Variants in EPHB1 observed in about 807,000 individuals in gnomAD.
The protein encoded by EPHB1 is EPH receptor B1, also known as ephrin type-B receptor 1.
In EPHB1, 30 loss-of-function variants were observed where a neutral mutation model predicts 94.4. That is an observed-to-expected ratio of 0.32 (90% CI 0.24 to 0.43). The LOEUF is 0.43. Among genes scored for constraint, EPHB1 ranks in the 20% least tolerant of loss-of-function variants. The probability of loss-of-function intolerance (pLI) is 1.00; values close to 1 mark genes in which losing one functional copy is unlikely to be tolerated. For missense variants in EPHB1, 1,055 were observed against 1,308.3 expected (o/e 0.81, Z 2.99); for synonymous variants, 522 against 489.1 (o/e 1.07, Z -0.89).
chr3:134,949,666 C>G (rs1932937736), intron 2 of EPHB1, among the ~76,000 whole-genome samples: 1 of 152,152 alleles, frequency 6.6e-6, no homozygotes, highest in African/African-American at 2.4e-5. Flanking sequence ...CCTTGATCAC[C>G]ACTCCTAAAT....
chr3:135,258,984 G>A, intron 15 of EPHB1, 28 bp from the exon 16 acceptor site: 1 of 1,547,146 alleles, frequency 6.5e-7, no homozygotes, highest in African/African-American at 1.4e-5. Context: ...ACACTAAAGT[G>A]ACTTCTTTTC....
intron 11 of EPHB1, among the ~76,000 whole-genome samples, chr3:135,198,989 T>C (rs955950304): frequency 2.6e-5 from 4 of 152,214 alleles, no homozygotes; most frequent in Non-Finnish European, 5.9e-5. Context: ...CCAGAAACTA[T>C]AAAATTTATA....
intron 2 of EPHB1, among the ~76,000 whole-genome samples, chr3:134,944,603 A>C (rs780104655): frequency 1.3e-5 from 2 of 152,184 alleles, no homozygotes; most frequent in Non-Finnish European, 2.9e-5. Flanking sequence ...TTCTCTTTCC[A>C]CTAGGACTAT....
At chr3:134,890,880 A>C (rs1001480746) in intron 1 of EPHB1, among the ~76,000 whole-genome samples, 2 of 152,164 alleles carry the variant, frequency 1.3e-5, no homozygotes, top group Non-Finnish European at 2.9e-5. Flanking sequence ...GTAATGATAA[A>C]AACCATTGCT....
rs2107715607 is a variant in EPHB1 at position 134,951,563 on chromosome 3, T to A, written c.316T>A (p.Cys106Ser). 1 of 1,614,004 alleles carries A rather than the reference T, an allele frequency of 6.2e-7. No individual in the cohort carries two copies. The highest frequency in any genetic ancestry group is 8.5e-7 in the Non-Finnish European group (1 of 1,179,904). ...CSSLPNVPGSCKETFNLYYYE... is the reference protein window; with the variant it reads ...CSSLPNVPGSSKETFNLYYYE... ...CAGCCTCCCTAATGTCCCAGGATCC[T>A]GCAAGGAGACCTTCAACTTGTATTA... Residue 106 changes from cysteine (C) to serine (S), a missense_variant, in exon 3 of 16, where the codon TGC becomes AGC. Transcript: ENST00000398015. This position sits in a 1 kb window ranked among gnomAD's most constrained non-coding sequence, Gnocchi z 4.5.
chr3:135,157,725 A>G (rs1347411769), intron 6 of EPHB1, among the ~76,000 whole-genome samples: 4 of 152,252 alleles, frequency 2.6e-5, no homozygotes, highest in Non-Finnish European at 5.9e-5. Context: ...TGCTTTGACT[A>G]TTCCTAAGAC....
At chr3:134,895,813 G>A (rs1578177919) in intron 1 of EPHB1, among the ~76,000 whole-genome samples, 1 of 152,190 alleles carries the variant, frequency 6.6e-6, no homozygotes, top group African/African-American at 2.4e-5. Flanking sequence ...TGAAAAGGAT[G>A]GACAGGGTGA....
chr3:134,935,257 A>G (rs180941320), intron 2 of EPHB1, among the ~76,000 whole-genome samples: 13 of 152,340 alleles, frequency 8.5e-5, no homozygotes, highest in Admixed American at 8.5e-4. Context: ...TGGCAAAGAC[A>G]AAGCATTAGA....
chr3:135,054,036 T>TACACACAC (rs1302391868), intron 3 of EPHB1, among the ~76,000 whole-genome samples: 4 of 105,738 alleles, frequency 3.8e-5, no homozygotes, highest in South Asian at 6.8e-4. Flanking sequence ...TATATATATA[T>TACACACAC]ATATACACAC....
At chr3:135,083,478 T>C (rs994067119) in intron 3 of EPHB1, among the ~76,000 whole-genome samples, 3 of 151,792 alleles carry the variant, frequency 2.0e-5, no homozygotes, top group African/African-American at 7.3e-5. Flanking sequence ...ACATTTGCCT[T>C]AGGCTGTCCA....
chr3:134,978,739 C>A (rs1277707731), intron 3 of EPHB1, among the ~76,000 whole-genome samples: 6 of 152,226 alleles, frequency 3.9e-5, no homozygotes, highest in Non-Finnish European at 2.9e-5. Context: ...GTGCTCTTGC[C>A]TGGTCCTCCC....
intron 1 of EPHB1, among the ~76,000 whole-genome samples, chr3:134,891,418 A>T (rs921071097): frequency 3.3e-5 from 5 of 152,122 alleles, no homozygotes; most frequent in African/African-American, 9.6e-5. Context: ...CCTATTCCTA[A>T]TTTTTCCAGG....
intron 3 of EPHB1, among the ~76,000 whole-genome samples, chr3:134,972,070 G>T (rs938838681): frequency 2.6e-5 from 4 of 152,068 alleles, no homozygotes; most frequent in African/African-American, 9.7e-5. Flanking sequence ...TTAAGTGAAG[G>T]TCCTCATCAC....
intron 3 of EPHB1, among the ~76,000 whole-genome samples, chr3:135,086,116 A>T (rs1411341718): frequency 6.6e-6 from 1 of 152,138 alleles, no homozygotes; most frequent in Admixed American, 6.5e-5. Context: ...TCCACACAAA[A>T]GAGATATGAG....
At chr3:135,156,371 A>G (rs530166471) in intron 6 of EPHB1, among the ~76,000 whole-genome samples, 2 of 152,150 alleles carry the variant, frequency 1.3e-5, no homozygotes, top group Admixed American at 6.5e-5. Flanking sequence ...ACAGAAACAG[A>G]GACCTATGGG....
chr3:135,170,666 G>A (rs1351993879), intron 9 of EPHB1, among the ~76,000 whole-genome samples: 9 of 152,132 alleles, frequency 5.9e-5, no homozygotes, highest in Admixed American at 5.9e-4. Flanking sequence ...ATCTAGGTGG[G>A]CAAGTATAAG....
chr3:134,799,035 G>T (rs1193553678), intron 1 of EPHB1, among the ~76,000 whole-genome samples: 1 of 152,214 alleles, frequency 6.6e-6, no homozygotes, highest in African/African-American at 2.4e-5. Context: ...ACATGTATTT[G>T]AGTAGTAGAT....
chr3:134,857,395 C>G (rs1035534541), intron 1 of EPHB1, among the ~76,000 whole-genome samples: 2 of 152,088 alleles, frequency 1.3e-5, no homozygotes, highest in African/African-American at 2.4e-5. Context: ...TTCCTACTTT[C>G]GATACAGGCA....
At chr3:134,964,919 G>A (rs1647368644) in intron 3 of EPHB1, among the ~76,000 whole-genome samples, 1 of 152,074 alleles carries the variant, frequency 6.6e-6, no homozygotes, top group African/African-American at 2.4e-5. Context: ...GTCTTGATGC[G>A]AATTGCAATT....
Sources: gnomAD v4.1 joint callset for allele counts (sites outside exome capture counted in the v4.1 genomes callset) on GRCh38, gnomAD v4.1.1 for gene constraint, Gnocchi (gnomAD v3.1) non-coding constraint, MANE v1.5 for transcripts, NCBI Gene and HGNC (gene_info 2026-07-23, HGNC 2026-07-21) for gene names.